Variants in PLCB1 observed in about 807,000 individuals in gnomAD.
PLCB1 encodes phospholipase C beta 1.
Under a neutral mutation model 161.8 loss-of-function variants are expected in PLCB1, and 46 were observed. The ratio of observed to expected loss-of-function variants is 0.28; its 90% CI spans 0.22 to 0.36. The LOEUF is 0.36. Ranked by LOEUF, PLCB1 falls within the 10% of genes least tolerant of loss-of-function variation. PLCB1 has a pLI of 1.00. For synonymous variants in PLCB1, 517 were observed against 503.7 expected, an observed-to-expected ratio of 1.03 and a Z score of -0.35; for missense variants, 1,016 against 1,472.5, an observed-to-expected ratio of 0.69 and a Z score of 5.07.
intron 2 of PLCB1, among the ~76,000 whole-genome samples, chr20:8,204,916 C>A (rs1173933531): frequency 6.6e-6 from 1 of 152,000 alleles, no homozygotes; most frequent in Non-Finnish European, 1.5e-5. Context: ...TTCCTTGCCA[C>A]TTATTTGACA....
chr20:8,238,058 A>G (rs191573637), intron 2 of PLCB1, among the ~76,000 whole-genome samples: 33 of 152,180 alleles, frequency 2.2e-4, no homozygotes, highest in Admixed American at 1.7e-3. Context: ...ACTCAACGAA[A>G]TCTTTTCCAT....
At chr20:8,440,887 A>G (rs569897073) in intron 3 of PLCB1, among the ~76,000 whole-genome samples, 1 of 152,176 alleles carries the variant, frequency 6.6e-6, no homozygotes, top group South Asian at 2.1e-4. Flanking sequence ...ACTATATGTT[A>G]TATGGATCGA....
At chr20:8,711,327 A>G (rs80329513) in intron 12 of PLCB1, among the ~76,000 whole-genome samples, 1,878 of 152,298 alleles carry the variant, frequency 0.012, 33 homozygotes, top group African/African-American at 0.035. Flanking sequence ...ACCCTTAAAC[A>G]CAAGATGTGT....
intron 4 of PLCB1, among the ~76,000 whole-genome samples, chr20:8,628,998 A>G (rs1988445763): frequency 6.6e-6 from 1 of 152,174 alleles, no homozygotes; most frequent in Non-Finnish European, 1.5e-5. Context: ...ATAACAAAAT[A>G]CAAATAAAAC....
chr20:8,816,866 G>T (rs1268204737), intron 31 of PLCB1, among the ~76,000 whole-genome samples: 3 of 152,192 alleles, frequency 2.0e-5, no homozygotes, highest in Non-Finnish European at 4.4e-5. Context: ...TTTTAAATGA[G>T]AGCTTGTTTG....
intron 9 of PLCB1, among the ~76,000 whole-genome samples, chr20:8,684,009 G>A (rs975464153): frequency 3.3e-5 from 5 of 150,118 alleles, no homozygotes; most frequent in Non-Finnish European, 5.9e-5. Context: ...TCAGCCTCCC[G>A]AGTAGCTGGG....
At chr20:8,336,383 A>G (rs2122209592) in intron 2 of PLCB1, among the ~76,000 whole-genome samples, 1 of 152,338 alleles carries the variant, frequency 6.6e-6, no homozygotes, top group Admixed American at 6.5e-5. Flanking sequence ...TTTGGATTTC[A>G]TATAATAAAG....
chr20:8,469,570 A>T (rs571231201), intron 3 of PLCB1, among the ~76,000 whole-genome samples: 58 of 150,850 alleles, frequency 3.8e-4, no homozygotes, highest in South Asian at 2.9e-3. Flanking sequence ...CTTCTTTTTT[A>T]AAAAAAAGTA....
intron 2 of PLCB1, among the ~76,000 whole-genome samples, chr20:8,325,205 A>G (rs550248393): frequency 6.6e-6 from 1 of 152,310 alleles, no homozygotes; most frequent in Admixed American, 6.5e-5. Context: ...TGGATGAATT[A>G]ATGCACATTC....
intron 4 of PLCB1, 141 bp downstream of exon 4, chr20:8,628,572 A>G: frequency 5.3e-6 from 4 of 760,710 alleles, no homozygotes; most frequent in South Asian, 3.7e-5. Flanking sequence ...GCTGCCAAGT[A>G]TAAGTGCAAT....
chr20:8,647,948 CA>C lies in PLCB1; in HGVS notation c.518del (p.Asn173ThrfsTer17). ...TCACTCCAGAAGGGCGTATTCCTCT[CA>C]AAAAGTAAGCTTTGTGAGCATTTCT... The part of the protein sequence containing the change: ...QVTPEGRIPL[K>X]NIYRLFSADR... On this transcript the variant is annotated frameshift_variant, in exon 6 of 32. Coordinates refer to ENST00000338037, the MANE Select transcript of PLCB1 (RefSeq NM_015192.4). LOFTEE classifies it high-confidence loss of function. 6.4e-7 allele frequency: 1 copy of C among 1,562,224 alleles called. No homozygotes were observed. The highest frequency in any genetic ancestry group is 8.6e-7 in the Non-Finnish European group (1 of 1,158,316).
intron 31 of PLCB1, among the ~76,000 whole-genome samples, chr20:8,865,065 T>C (rs753251207): frequency 1.3e-5 from 2 of 152,246 alleles, no homozygotes; most frequent in Non-Finnish European, 2.9e-5. Flanking sequence ...CACCGGTTCC[T>C]GTCCTTATAA....
chr20:8,564,744 C>A (rs1443493246), intron 3 of PLCB1, among the ~76,000 whole-genome samples: 1 of 152,164 alleles, frequency 6.6e-6, no homozygotes, highest in Non-Finnish European at 1.5e-5. Flanking sequence ...AAAAGCTCAT[C>A]ATCACTGGTC....
At chr20:8,277,538 C>G (rs919534297) in intron 2 of PLCB1, among the ~76,000 whole-genome samples, 3 of 151,946 alleles carry the variant, frequency 2.0e-5, no homozygotes, top group Non-Finnish European at 4.4e-5. Context: ...TTCTTAGACT[C>G]ACAGTTTTGA....
intron 2 of PLCB1, among the ~76,000 whole-genome samples, chr20:8,245,861 C>T (rs533613694): frequency 3.4e-4 from 51 of 151,962 alleles, no homozygotes; most frequent in Non-Finnish European, 5.4e-4. Context: ...AAATGTGGTA[C>T]TGTGTAGTAT....
rs373812037 is a variant in PLCB1, at chr20:8,388,972, C to G, written c.246+17522C>G. On this transcript the variant is annotated intron_variant, in intron 3 of 31. Coordinates refer to ENST00000338037, the MANE Select transcript of PLCB1 (RefSeq NM_015192.4). ...TTCAGGGGTGGTTAAGGAATGGTTC[C>G]CTTGGCAGATGTTTGCATTTAAAAC... is the stretch of plus-strand genomic sequence containing the variant. 2.0e-5 allele frequency among the ~76,000 whole-genome samples: 3 copies of G among 152,228 alleles called. No individual in the cohort carries two copies. The South Asian group carries it at 6.2e-4, about 32-fold the overall frequency.
intron 3 of PLCB1, among the ~76,000 whole-genome samples, chr20:8,461,120 CTTAA>C (rs1222633869): frequency 6.6e-6 from 1 of 152,024 alleles, no homozygotes. Context: ...TGCTAGGGGA[CTTAA>C]TTAAAGTCTT....
chr20:8,426,679 G>A (rs1405251464), intron 3 of PLCB1, among the ~76,000 whole-genome samples: 1 of 152,068 alleles, frequency 6.6e-6, no homozygotes, highest in African/African-American at 2.4e-5. Context: ...AAATAAGTAG[G>A]TTTTAGCTGC....
At chr20:8,364,891 G>A (rs1402238788) in intron 2 of PLCB1, among the ~76,000 whole-genome samples, 1 of 152,128 alleles carries the variant, frequency 6.6e-6, no homozygotes, top group East Asian at 1.9e-4. Flanking sequence ...TATTACTTAG[G>A]TTTTAAGTTT....
Sources: gnomAD v4.1 joint callset for allele counts (sites outside exome capture counted in the v4.1 genomes callset) on GRCh38, gnomAD v4.1.1 for gene constraint, MANE v1.5 for transcripts, NCBI Gene and HGNC (gene_info 2026-07-23, HGNC 2026-07-21) for gene names.